EYS: variants seen among roughly 807,000 people sequenced by gnomAD.
EYS encodes the protein protein eyes shut homolog.
EYS carries 250 observed loss-of-function variants against 282.1 expected under a neutral mutation model. The observed-to-expected ratio is 0.89, with a 90% CI of 0.80 to 0.98. EYS has a LOEUF of 0.98. Among genes scored for constraint, EYS ranks in the 50% least tolerant of loss-of-function variants. The pLI is 0.00. For missense variants in EYS, 4,016 were observed against 3,709.0 expected (o/e 1.08, Z -2.15); for synonymous variants, 1,355 against 1,282.9 (o/e 1.06, Z -1.20).
At chr6:64,926,889 G>C (rs1428308885) in intron 15 of EYS, among the ~76,000 whole-genome samples, 9 of 152,154 alleles carry the variant, frequency 5.9e-5, no homozygotes, top group Non-Finnish European at 1.0e-4. Flanking sequence ...GTGATTTACT[G>C]TGAAAAGCAA....
intron 2 of EYS, among the ~76,000 whole-genome samples, chr6:65,609,774 C>T (rs1765928148): frequency 6.6e-6 from 1 of 152,118 alleles, no homozygotes; most frequent in Non-Finnish European, 1.5e-5. Context: ...GAATCAAATG[C>T]ATAATATGAA....
intron 26 of EYS, among the ~76,000 whole-genome samples, chr6:64,550,712 C>T (rs1582884093): frequency 6.6e-6 from 1 of 151,970 alleles, no homozygotes; most frequent in African/African-American, 2.4e-5. Context: ...CTAGAAAACC[C>T]CATCGTCTCA....
chr6:64,324,995 C>G (rs899270411), intron 29 of EYS, among the ~76,000 whole-genome samples: 1 of 152,156 alleles, frequency 6.6e-6, no homozygotes, highest in Non-Finnish European at 1.5e-5. Flanking sequence ...ATGTTCCATG[C>G]TCATGGGTTG....
In EYS at chr6:65,296,064, A is replaced by G; in HGVS notation, c.1822T>C (p.Cys608Arg). 1 of 1,550,692 alleles carries G rather than the reference A, an allele frequency of 6.4e-7. No homozygotes were observed. Among genetic ancestry groups the G allele is most frequent in the South Asian group, 1.2e-5 (1 of 83,940 alleles). Residue 608 changes from cysteine to arginine, a missense_variant, in exon 12 of 43, where the codon TGC (cysteine) becomes CGC (arginine). By Grantham distance (180) the Cys-to-Arg change is radical. Coordinates refer to ENST00000503581, the MANE Select transcript of EYS (RefSeq NM_001142800.2). ...GRLCVVNVDY[C>R]LGNHSISVHG... Reference sequence around the variant, plus strand: ...ACTGATATACTGTGGTTCCCTAAGCAATAGTCAACATTGACAACACACAAT... The same window carrying G: ...ACTGATATACTGTGGTTCCCTAAGCGATAGTCAACATTGACAACACACAAT...
chr6:65,656,477 G>C (rs552397228), intron 1 of EYS, among the ~76,000 whole-genome samples: 1 of 151,844 alleles, frequency 6.6e-6, no homozygotes, highest in Non-Finnish European at 1.5e-5. Context: ...GTGTGATCTG[G>C]ATAAAAGATA....
At chr6:63,896,489 A>G (rs770821547) in intron 35 of EYS, among the ~76,000 whole-genome samples, 38 of 152,204 alleles carry the variant, frequency 2.5e-4, no homozygotes, top group Non-Finnish European at 4.9e-4. Context: ...ACACATGTAC[A>G]GCCTTCCTCA....
At chr6:65,521,183 T>C (rs1039320746) in intron 2 of EYS, among the ~76,000 whole-genome samples, 2 of 152,194 alleles carry the variant, frequency 1.3e-5, no homozygotes, top group African/African-American at 4.8e-5. Context: ...TTTAGAGATG[T>C]AGAAATCATG....
intron 42 of EYS, among the ~76,000 whole-genome samples, chr6:63,722,442 T>G (rs1017652925): frequency 6.6e-6 from 1 of 152,144 alleles, no homozygotes; most frequent in Non-Finnish European, 1.5e-5. Flanking sequence ...TTCCCTCCAT[T>G]ACAGTATATC....
intron 35 of EYS, among the ~76,000 whole-genome samples, chr6:63,961,304 T>G (rs905487559): frequency 6.6e-6 from 1 of 152,106 alleles, no homozygotes; most frequent in Non-Finnish European, 1.5e-5. Flanking sequence ...AAGTGGCCAG[T>G]TCCTGCCTTA....
intron 2 of EYS, among the ~76,000 whole-genome samples, chr6:65,547,724 G>A (rs1392910569): frequency 6.6e-6 from 1 of 152,010 alleles, no homozygotes; most frequent in Admixed American, 6.6e-5. Context: ...TGTATCTTTT[G>A]GAATTTTGTT....
chr6:64,184,156 C>T (rs961727824), intron 31 of EYS, among the ~76,000 whole-genome samples: 1 of 152,106 alleles, frequency 6.6e-6, no homozygotes, highest in African/African-American at 2.4e-5. Context: ...ACCATTGGGT[C>T]GTTTTGCCAT....
intron 19 of EYS, among the ~76,000 whole-genome samples, chr6:64,832,938 T>A (rs1293403469): frequency 6.6e-6 from 1 of 151,950 alleles, no homozygotes; most frequent in Admixed American, 6.6e-5. Flanking sequence ...TAGAAATGAT[T>A]GCTCTAAGCT....
chr6:64,435,714 A>G (rs2150463441), intron 28 of EYS, among the ~76,000 whole-genome samples: 1 of 152,068 alleles, frequency 6.6e-6, no homozygotes, highest in Non-Finnish European at 1.5e-5. Context: ...GATGTTCATG[A>G]GCATTTGGGG....
At chr6:64,122,926 G>A (rs114046215) in intron 31 of EYS, among the ~76,000 whole-genome samples, 24 of 149,606 alleles carry the variant, frequency 1.6e-4, no homozygotes, top group African/African-American at 5.9e-4. Flanking sequence ...TTTTTTTTTT[G>A]AATTTTCAGT....
At chr6:65,192,749 G>C (rs535087) in intron 12 of EYS, among the ~76,000 whole-genome samples, 47,054 of 151,442 alleles carry the variant, frequency 0.31, 7,610 homozygotes, top group African/African-American at 0.39. Flanking sequence ...GTTAGCTCTT[G>C]CAATAATGAA....
intron 29 of EYS, among the ~76,000 whole-genome samples, chr6:64,331,845 C>G (rs1770658189): frequency 6.6e-6 from 1 of 152,158 alleles, no homozygotes; most frequent in Non-Finnish European, 1.5e-5. Flanking sequence ...TGCCTCAAGC[C>G]AGAGGCTACT....
chr6:64,620,751 T>C (rs886642684), intron 23 of EYS, among the ~76,000 whole-genome samples: 45 of 152,350 alleles, frequency 3.0e-4, no homozygotes, highest in African/African-American at 9.4e-4. Flanking sequence ...TTTTGAATCT[T>C]ATGTAGGTTT....
intron 36 of EYS, among the ~76,000 whole-genome samples, chr6:63,844,181 G>A (rs1027643702): frequency 2.6e-5 from 4 of 152,164 alleles, no homozygotes; most frequent in African/African-American, 9.7e-5. Flanking sequence ...CAAAGGACAT[G>A]AATTCATTCC....
chr6:65,028,018 T>C (rs949750384), intron 13 of EYS, among the ~76,000 whole-genome samples: 3 of 152,154 alleles, frequency 2.0e-5, no homozygotes, highest in African/African-American at 7.2e-5. Context: ...TATCCTGCAT[T>C]CCCATCATCA....
Sources: allele counts gnomAD v4.1 joint callset (sites outside exome capture counted in the v4.1 genomes callset), GRCh38; gene constraint gnomAD v4.1.1; transcripts MANE v1.5; gene names NCBI Gene and HGNC (gene_info 2026-07-23, HGNC 2026-07-21).